The following FTO variants were observed in gnomAD, a reference collection of about 807,000 sequenced individuals.
FTO encodes the protein FTO alpha-ketoglutarate dependent dioxygenase, also known as alpha-ketoglutarate-dependent dioxygenase FTO.
In FTO, 47 loss-of-function variants were observed where a neutral mutation model predicts 63.9. The ratio of observed to expected loss-of-function variants is 0.74; its 90% CI spans 0.58 to 0.94. FTO has a LOEUF of 0.94. FTO is among the 40% of genes least tolerant of loss of function. FTO has a pLI of 0.00. For synonymous variants in FTO, 207 were observed against 224.4 expected, an observed-to-expected ratio of 0.92 and a Z score of 0.69; for missense variants, 562 against 618.1, an observed-to-expected ratio of 0.91 and a Z score of 0.96.
chr16:53,967,934 G>A (rs934073904), intron 8 of FTO, among the ~76,000 whole-genome samples: 4 of 152,022 alleles, frequency 2.6e-5, no homozygotes, highest in African/African-American at 9.7e-5. Context: ...TACACTTTTT[G>A]TGCTGCCTAG....
chr16:54,007,218 A>C (rs972047520), intron 8 of FTO, among the ~76,000 whole-genome samples: 17 of 152,210 alleles, frequency 1.1e-4, no homozygotes, highest in African/African-American at 4.1e-4. Flanking sequence ...ATGACGAGTT[A>C]ATGGGTGCGG....
intron 6 of FTO, among the ~76,000 whole-genome samples, chr16:53,881,507 A>G (rs2080835782): frequency 6.6e-6 from 1 of 152,172 alleles, no homozygotes; most frequent in Non-Finnish European, 1.5e-5. Context: ...AGACACGCAG[A>G]AGCACAAGAG....
chr16:53,790,403 T>A (rs1414136799), intron 1 of FTO, among the ~76,000 whole-genome samples: 1 of 151,874 alleles, frequency 6.6e-6, no homozygotes, highest in African/African-American at 2.4e-5. Flanking sequence ...GGCTGGCTAG[T>A]GACGACATTA....
chr16:53,794,305 G>A (rs1010724966), intron 1 of FTO, among the ~76,000 whole-genome samples: 5 of 152,146 alleles, frequency 3.3e-5, no homozygotes, highest in African/African-American at 1.2e-4. Context: ...TAAATTCATA[G>A]GAATGGCAGA....
intron 8 of FTO, among the ~76,000 whole-genome samples, chr16:53,941,492 C>G (rs1335412087): frequency 1.3e-5 from 2 of 152,186 alleles, no homozygotes; most frequent in African/African-American, 4.8e-5. Context: ...ACATTTTTAT[C>G]TCTCCTACCA....
At chr16:53,711,998 G>A (rs2075786807) in intron 1 of FTO, among the ~76,000 whole-genome samples, 1 of 152,146 alleles carries the variant, frequency 6.6e-6, no homozygotes, top group South Asian at 2.1e-4. Flanking sequence ...GGCCAAGGTG[G>A]AGGAGGCTCA....
chr16:54,101,077 C>T (rs928551528), intron 8 of FTO, among the ~76,000 whole-genome samples: 4 of 152,128 alleles, frequency 2.6e-5, no homozygotes, highest in African/African-American at 9.7e-5. Context: ...ACCCTCACCC[C>T]ATAGAGCCTT....
intron 8 of FTO, among the ~76,000 whole-genome samples, chr16:54,080,747 T>C (rs1452419571): frequency 6.6e-6 from 1 of 152,256 alleles, no homozygotes; most frequent in African/African-American, 2.4e-5. Context: ...TGTCCTGTTA[T>C]GAAGAATTCT....
chr16:53,861,602 AC>A (rs1256404366), intron 4 of FTO, among the ~76,000 whole-genome samples: 1 of 152,088 alleles, frequency 6.6e-6, no homozygotes, highest in African/African-American at 2.4e-5. Flanking sequence ...ATTTTCTTAT[AC>A]CCAATTTTCA....
At chr16:53,966,515 G>A (rs1212142533) in intron 8 of FTO, among the ~76,000 whole-genome samples, 1 of 152,216 alleles carries the variant, frequency 6.6e-6, no homozygotes, top group African/African-American at 2.4e-5. Flanking sequence ...TGAAACCACA[G>A]TTTGATTTCT....
chr16:53,761,995 A>T (rs890523100), intron 1 of FTO, among the ~76,000 whole-genome samples: 1 of 152,194 alleles, frequency 6.6e-6, no homozygotes, highest in African/African-American at 2.4e-5. Flanking sequence ...GGTAATACTG[A>T]TAAGTTAAAA....
chr16:53,751,670 G>A (rs982589015), intron 1 of FTO, among the ~76,000 whole-genome samples: 6 of 152,200 alleles, frequency 3.9e-5, no homozygotes, highest in South Asian at 2.1e-4. Flanking sequence ...AGGGCTGATC[G>A]GTGCAGGGGT....
At chr16:53,719,820 T>A (rs1179351977) in intron 1 of FTO, among the ~76,000 whole-genome samples, 1 of 152,160 alleles carries the variant, frequency 6.6e-6, no homozygotes, top group Non-Finnish European at 1.5e-5. Flanking sequence ...TTCAAAATCT[T>A]AAAATAGTTT....
At chr16:53,706,804 T>TA (rs1185742067) in intron 1 of FTO, among the ~76,000 whole-genome samples, 2 of 152,336 alleles carry the variant, frequency 1.3e-5, no homozygotes, top group East Asian at 3.9e-4. Context: ...ACATGTTGTT[T>TA]ATTCATTCAC....
chr16:54,060,000 T>G (rs947186691), intron 8 of FTO, among the ~76,000 whole-genome samples: 2 of 152,214 alleles, frequency 1.3e-5, no homozygotes, highest in South Asian at 2.1e-4. Context: ...ACATTCTGTG[T>G]GCAGTCAACT....
chr16:54,106,050 A>C (rs942313908), intron 8 of FTO, among the ~76,000 whole-genome samples: 5 of 152,316 alleles, frequency 3.3e-5, no homozygotes, highest in African/African-American at 1.2e-4. Context: ...GAAGTGATGC[A>C]ATAAGGGAAG....
intron 7 of FTO, chr16:53,911,285 G>A (rs2081694891): frequency 1.5e-6 from 1 of 673,220 alleles, no homozygotes; most frequent in African/African-American, 1.8e-5. Flanking sequence ...ACAAAGTAGG[G>A]TGACCTAGTC....
At chr16:53,710,049 T>A (rs1184724328) in intron 1 of FTO, among the ~76,000 whole-genome samples, 1 of 152,172 alleles carries the variant, frequency 6.6e-6, no homozygotes, top group Admixed American at 6.5e-5. Flanking sequence ...ATATTACCTT[T>A]CATTGTCAGG....
chr16:53,721,828 C>G (rs1261675499), intron 1 of FTO, among the ~76,000 whole-genome samples: 2 of 152,162 alleles, frequency 1.3e-5, no homozygotes, highest in Admixed American at 6.5e-5. Context: ...CTGTCACCCT[C>G]TGACCCCATA....
Sources: gnomAD v4.1 joint callset for allele counts (sites outside exome capture counted in the v4.1 genomes callset) on GRCh38, gnomAD v4.1.1 for gene constraint, MANE v1.5 for transcripts, NCBI Gene and HGNC (gene_info 2026-07-23, HGNC 2026-07-21) for gene names.